The following JMJD1C variants were observed in gnomAD, a reference collection of about 807,000 sequenced individuals.
JMJD1C encodes the protein jumonji domain containing 1C, also known as jumonji domain-containing protein 1C.
A neutral mutation model predicts 245.3 loss-of-function variants in JMJD1C; 31 were observed. The ratio of observed to expected loss-of-function variants is 0.13; its 90% CI spans 0.09 to 0.17. The LOEUF (loss-of-function observed/expected upper bound fraction) is 0.17. JMJD1C is among the 10% of genes least tolerant of loss of function. The pLI, the probability that JMJD1C is intolerant of heterozygous loss-of-function variation, is 1.00. For synonymous variants in JMJD1C, 1,057 were observed against 1,017.4 expected, an observed-to-expected ratio of 1.04 and a Z score of -0.74; for missense variants, 2,691 against 3,000.2, an observed-to-expected ratio of 0.90 and a Z score of 2.41.
chr10:63,512,557 T>C (rs933821372), intron 1 of JMJD1C, among the ~76,000 whole-genome samples: 1 of 152,188 alleles, frequency 6.6e-6, no homozygotes, highest in African/African-American at 2.4e-5. Context: ...AAGTTGGATG[T>C]AATTTTTATC....
At chr10:63,403,520 A>C (rs1200604206) in intron 1 of JMJD1C, among the ~76,000 whole-genome samples, 1 of 152,234 alleles carries the variant, frequency 6.6e-6, no homozygotes, top group African/African-American at 2.4e-5. Flanking sequence ...CAAAATTAAT[A>C]GTATTTCAGA....
At chr10:63,397,055 C>CT (rs1948547196) in intron 1 of JMJD1C, among the ~76,000 whole-genome samples, 1 of 98,306 alleles carries the variant, frequency 1.0e-5, no homozygotes, top group Non-Finnish European at 3.0e-5. Context: ...CAGTAACACT[C>CT]TATTTTGACA....
intron 2 of JMJD1C, among the ~76,000 whole-genome samples, chr10:63,327,238 T>C (rs1941624215): frequency 6.6e-6 from 1 of 152,142 alleles, no homozygotes; most frequent in Non-Finnish European, 1.5e-5. Context: ...AAGGGGCAAG[T>C]GTTATGAGAA....
chr10:63,240,781 T>C (rs938576406), intron 3 of JMJD1C, among the ~76,000 whole-genome samples: 8 of 152,044 alleles, frequency 5.3e-5, no homozygotes, highest in African/African-American at 1.7e-4. Context: ...GGTTCTAGAA[T>C]ACAAAAGATA....
intron 2 of JMJD1C, among the ~76,000 whole-genome samples, chr10:63,286,676 C>T (rs549369745): frequency 1.3e-5 from 2 of 152,152 alleles, no homozygotes; most frequent in South Asian, 2.1e-4. Flanking sequence ...TTTTCAAATA[C>T]GAAAAATCTA....
At chr10:63,512,177 G>C (rs558192895) in intron 1 of JMJD1C, among the ~76,000 whole-genome samples, 1 of 152,202 alleles carries the variant, frequency 6.6e-6, no homozygotes, top group Non-Finnish European at 1.5e-5. Context: ...CGAATACATG[G>C]TCACTATTAT....
intron 3 of JMJD1C, among the ~76,000 whole-genome samples, chr10:63,245,719 G>A (rs1339368552): frequency 6.6e-6 from 1 of 152,112 alleles, no homozygotes; most frequent in Admixed American, 6.5e-5. Flanking sequence ...TTGACCTCAG[G>A]TGATCCTCCT....
intron 1 of JMJD1C, among the ~76,000 whole-genome samples, chr10:63,442,234 G>C (rs1355326619): frequency 6.6e-6 from 1 of 152,082 alleles, no homozygotes; most frequent in Non-Finnish European, 1.5e-5. Flanking sequence ...TAGACTGCCA[G>C]GGAGAAAAAA....
intron 2 of JMJD1C, among the ~76,000 whole-genome samples, chr10:63,321,755 G>A (rs770813678): frequency 5.9e-5 from 9 of 152,176 alleles, no homozygotes; most frequent in Non-Finnish European, 8.8e-5. Flanking sequence ...ACAAGTGTAC[G>A]CGAGTTAGGC....
rs1355463403 is a variant in JMJD1C, at chr10:63,217,105, A to T, written c.678+102T>A. The T allele has an allele frequency of 4.7e-6, 5 of 1,060,806 alleles. No homozygotes were observed. The African/African-American group carries it at 4.8e-5, about 10-fold the overall frequency. 65.7% of individuals were successfully genotyped at this position (1,060,806 alleles called of 1,614,324 possible). ...CTAGAATTACACGACTAAAAACCCT[A>T]GAGATAAAAATTATTTAGTATCAAA... is the stretch of plus-strand genomic sequence containing the variant. On this transcript the variant is annotated intron_variant, in intron 5 of 25. Coordinates refer to ENST00000399262, the MANE Select transcript of JMJD1C (RefSeq NM_032776.3).
At chr10:63,455,600 T>G (rs1392956370) in intron 1 of JMJD1C, among the ~76,000 whole-genome samples, 1 of 152,166 alleles carries the variant, frequency 6.6e-6, no homozygotes, top group Non-Finnish European at 1.5e-5. Context: ...GCTACCAGAT[T>G]CAGATTTTTT....
intron 1 of JMJD1C, among the ~76,000 whole-genome samples, chr10:63,452,714 T>C (rs1209564381): frequency 1.3e-5 from 2 of 152,144 alleles, no homozygotes; most frequent in Middle Eastern, 3.2e-3. Context: ...GGTATATATA[T>C]GCAATGGAAT....
At chr10:63,217,064 G>A (rs1469412060) in intron 5 of JMJD1C, 143 bp downstream of exon 5, 2 of 675,086 alleles carry the variant, frequency 3.0e-6, no homozygotes, top group Middle Eastern at 4.2e-4. Context: ...TGTAATATCA[G>A]ATACATTTAA....
chr10:63,476,844 C>T (rs1953676624), intron 1 of JMJD1C, among the ~76,000 whole-genome samples: 1 of 152,106 alleles, frequency 6.6e-6, no homozygotes, highest in Non-Finnish European at 1.5e-5. Context: ...GCAAGAGGAC[C>T]ACTTGAGGCC....
intron 1 of JMJD1C, among the ~76,000 whole-genome samples, chr10:63,486,152 AAAAAAAAAAAAAAAAAC>A (rs548160143): frequency 0.34 from 41,010 of 121,374 alleles, 7,053 homozygotes; most frequent in South Asian, 0.49. Context: ...AAAAAAAAAA[AAAAAAAAAAAAAAAAAC>A]AAAAAACAGA....
At chr10:63,237,137 A>G (rs1159296486) in intron 3 of JMJD1C, among the ~76,000 whole-genome samples, 4 of 152,114 alleles carry the variant, frequency 2.6e-5, no homozygotes, top group African/African-American at 9.7e-5. Flanking sequence ...TCCCAGGTTC[A>G]AGTGATTCTC....
chr10:63,390,344 C>G (rs1339531565), intron 1 of JMJD1C, among the ~76,000 whole-genome samples: 1 of 151,986 alleles, frequency 6.6e-6, no homozygotes, highest in Admixed American at 6.6e-5. Flanking sequence ...AATAGAAAAT[C>G]TAAACAAACT....
Position 63,215,361 on chromosome 10 carries a change from T to C in JMJD1C, c.917A>G (p.Gln306Arg). 6 of 1,614,202 alleles carry C rather than the reference T, an allele frequency of 3.7e-6. No homozygotes were observed. The highest frequency in any genetic ancestry group is 5.1e-6 in the Non-Finnish European group (6 of 1,180,018). The change falls in exon 7 of 26, where the codon CAA becomes CGA. Residue 306 changes from glutamine to arginine, a missense_variant. Physicochemically the swap from Gln to Arg is conservative, Grantham distance 43. Coordinates refer to ENST00000399262, the MANE Select transcript of JMJD1C (RefSeq NM_032776.3). ...PKQNTHQQQQ[Q>R]RSIRPNKRKG... is the part of the protein sequence containing the mutation. ...CCTCTTATTTGGACGGATACTTCTTTGTTGCTGTTGCTGGTGTGTATTCTG... is the reference window on the plus strand; with the variant it reads ...CCTCTTATTTGGACGGATACTTCTTCGTTGCTGTTGCTGGTGTGTATTCTG...
At chr10:63,337,025 G>C (rs550792851) in intron 2 of JMJD1C, among the ~76,000 whole-genome samples, 1 of 152,102 alleles carries the variant, frequency 6.6e-6, no homozygotes, top group South Asian at 2.1e-4. Flanking sequence ...ATTTTTAGTA[G>C]AGAGGGGGTT....
Sources: allele counts gnomAD v4.1 joint callset (sites outside exome capture counted in the v4.1 genomes callset), GRCh38; gene constraint gnomAD v4.1.1; transcripts MANE v1.5; gene names NCBI Gene and HGNC (gene_info 2026-07-23, HGNC 2026-07-21).